SCNN1B: variants seen among roughly 807,000 people sequenced by gnomAD.
SCNN1B encodes sodium channel epithelial 1 subunit beta.
SCNN1B carries 46 observed loss-of-function variants against 65.3 expected under a neutral mutation model. The ratio of observed to expected loss-of-function variants is 0.70; its 90% CI spans 0.56 to 0.90. The LOEUF (loss-of-function observed/expected upper bound fraction) is 0.90. Among genes scored for constraint, SCNN1B ranks in the 40% least tolerant of loss-of-function variants. SCNN1B has a pLI of 0.00. For synonymous variants in SCNN1B, 349 were observed against 330.6 expected, an observed-to-expected ratio of 1.06 and a Z score of -0.60; for missense variants, 751 against 830.5, an observed-to-expected ratio of 0.90 and a Z score of 1.18.
chr16:23,369,410 C>T (rs1362843813), intron 5 of SCNN1B, among the ~76,000 whole-genome samples: 2 of 152,170 alleles, frequency 1.3e-5, no homozygotes, highest in African/African-American at 2.4e-5. Flanking sequence ...AAGACAGAGA[C>T]ACACAGAGAG....
intron 4 of SCNN1B, among the ~76,000 whole-genome samples, chr16:23,357,060 C>A (rs1268415696): frequency 6.6e-6 from 1 of 152,214 alleles, no homozygotes; most frequent in African/African-American, 2.4e-5. Context: ...TTCAGCCAGT[C>A]CTGTTTCTGA....
rs747856984 is a variant in SCNN1B at position 23,380,069 on chromosome 16, C to T, written c.1467-25C>T. On this transcript the variant is annotated intron_variant, in intron 11 of 12. Coordinates refer to ENST00000343070, the MANE Select transcript of SCNN1B (RefSeq NM_000336.3). This position sits in a 1 kb window ranked among gnomAD's most constrained non-coding sequence, Gnocchi z 5.4. Reference sequence around the variant, plus strand: ...GTTTGGAAGGGGGATACATTAGTCCCGGCCCTTCTCGCTGCCTCCTGCAGG... The same window carrying T: ...GTTTGGAAGGGGGATACATTAGTCCTGGCCCTTCTCGCTGCCTCCTGCAGG... The T allele has an allele frequency of 2.5e-5, 40 of 1,587,032 alleles. No individual in the cohort carries two copies. The highest frequency in any genetic ancestry group is 2.9e-5 in the Non-Finnish European group (34 of 1,155,566).
intron 7 of SCNN1B, 96 bp downstream of exon 7, chr16:23,371,979 T>C (rs1962795828): frequency 1.1e-6 from 1 of 933,074 alleles, no homozygotes; most frequent in Non-Finnish European, 1.8e-6. Context: ...CCAGCAAGTC[T>C]GGCTCTGCTG....
chr16:23,315,318 C>A (rs926401651), intron 1 of SCNN1B, among the ~76,000 whole-genome samples: 1 of 151,842 alleles, frequency 6.6e-6, no homozygotes, highest in Non-Finnish European at 1.5e-5. Flanking sequence ...GCCTGAGCAA[C>A]AAGAGCGAAA....
Position 23,380,153 on chromosome 16 carries a change from A to G in SCNN1B, c.1526A>G (p.Glu509Gly), listed in dbSNP as rs1406899995. ...GAATTTAACTATCGCACCATTGAAG[A>G]ATCAGCAGCCAATAACGTGAGTTTA... ...FQEFNYRTIE[E>G]SAANNIVWLL... Residue 509 changes from glutamate to glycine, a missense_variant, in exon 12 of 13, where the codon GAA becomes GGA. Glu to Gly is a moderately conservative substitution (Grantham distance 98). Transcript: ENST00000343070. This position sits in a 1 kb window ranked among gnomAD's most constrained non-coding sequence, Gnocchi z 5.4. The G allele has an allele frequency of 6.2e-7, 1 of 1,613,996 alleles. No homozygotes were observed. Among genetic ancestry groups the G allele is most frequent in the South Asian group, 1.1e-5 (1 of 91,082 alleles).
intron 1 of SCNN1B, among the ~76,000 whole-genome samples, chr16:23,279,589 C>T (rs950845097): frequency 6.6e-6 from 1 of 152,156 alleles, no homozygotes; most frequent in Non-Finnish European, 1.5e-5. Flanking sequence ...GGGAGTCCTC[C>T]GCATATAGCT....
intron 1 of SCNN1B, among the ~76,000 whole-genome samples, chr16:23,343,198 T>A (rs1314199732): frequency 2.6e-5 from 4 of 152,088 alleles, no homozygotes; most frequent in Non-Finnish European, 5.9e-5. Flanking sequence ...CTCATGCCTG[T>A]AATCCCAGCG....
At chr16:23,343,314 T>C (rs2142010826) in intron 1 of SCNN1B, among the ~76,000 whole-genome samples, 1 of 151,634 alleles carries the variant, frequency 6.6e-6, no homozygotes, top group East Asian at 1.9e-4. Context: ...TAGCCGGGCG[T>C]GGTGGTGCAT....
At chr16:23,362,811 C>A (rs1052344843) in intron 4 of SCNN1B, among the ~76,000 whole-genome samples, 1 of 152,206 alleles carries the variant, frequency 6.6e-6, no homozygotes, top group Non-Finnish European at 1.5e-5. Flanking sequence ...TGCCCTGGGG[C>A]GAGGTCTCTC....
In SCNN1B at chr16:23,343,602, A is replaced by AGAAAGAAG. The variant is rs1303014436; in HGVS notation, c.-8-4983_-8-4982insGGAAAGAA. 1.5e-4 allele frequency among the ~76,000 whole-genome samples: 17 copies of AGAAAGAAG among 115,354 alleles called. 1 individual carries two copies. In the East Asian group the frequency reaches 4.2e-3, roughly 29 times the overall value. The allele number at this position is 115,354 out of a possible 152,430, so 75.7% of individuals were successfully genotyped here. A position where few individuals can be genotyped will look rare whatever the true frequency, so the allele number is the denominator to read the frequency against. On this transcript the variant is annotated intron_variant, in intron 1 of 12. Coordinates refer to ENST00000343070, the MANE Select transcript of SCNN1B (RefSeq NM_000336.3). ...AAAAGAGAAAGAAAGAAAGAAAGAA[A>AGAAAGAAG]GAAAGAAAGAAAGAAAGAAAGAAAG...
chr16:23,358,268 A>T (rs1160793622), intron 4 of SCNN1B: 2 of 152,230 alleles, frequency 1.3e-5, no homozygotes, highest in African/African-American at 4.8e-5. Context: ...AAACAGGGAA[A>T]ATAGCTGGCT....
At chr16:23,353,284 G>C in intron 3 of SCNN1B, 1 of 610,014 alleles carries the variant, frequency 1.6e-6, no homozygotes, top group East Asian at 2.8e-5. Flanking sequence ...GCTCACACTA[G>C]CTTAAGCAAA....
chr16:23,320,025 G>T, intron 1 of SCNN1B, among the ~76,000 whole-genome samples: 1 of 152,142 alleles, frequency 6.6e-6, no homozygotes, highest in Admixed American at 6.5e-5. Context: ...CAGATTACAG[G>T]CGTGAGCCAC....
intron 1 of SCNN1B, chr16:23,278,345 G>C (rs1187638477): frequency 6.6e-6 from 1 of 152,152 alleles, no homozygotes; most frequent in African/African-American, 2.4e-5. Flanking sequence ...AGTGGGGTGA[G>C]TTTCACTTTG....
At chr16:23,354,845 G>T (rs1962384060) in intron 3 of SCNN1B, among the ~76,000 whole-genome samples, 1 of 152,164 alleles carries the variant, frequency 6.6e-6, no homozygotes. Context: ...CATCTTCTGT[G>T]CATGCCTCTG....
chr16:23,301,359 CA>C (rs369302758), upstream of SCNN1B, among the ~76,000 whole-genome samples: 10 of 120,372 alleles, frequency 8.3e-5, no homozygotes, highest in Admixed American at 8.5e-5. Context: ...GAGACTCTGT[CA>C]AAAAAAAAAG....
At chr16:23,335,124 G>T (rs1288028739) in intron 1 of SCNN1B, among the ~76,000 whole-genome samples, 1 of 152,178 alleles carries the variant, frequency 6.6e-6, no homozygotes, top group East Asian at 1.9e-4. Flanking sequence ...CCAGCACCTA[G>T]AACAGTGCAG....
At chr16:23,377,503 T>C in intron 10 of SCNN1B, 117 bp downstream of exon 10, 2 of 845,830 alleles carry the variant, frequency 2.4e-6, no homozygotes, top group Non-Finnish European at 3.9e-6. Context: ...CCCTCCTTCC[T>C]TCCTTCTCTG....
chr16:23,379,301 A>G (rs1962986269), intron 11 of SCNN1B, among the ~76,000 whole-genome samples: 1 of 151,732 alleles, frequency 6.6e-6, no homozygotes, highest in African/African-American at 2.4e-5. Flanking sequence ...CACAAGAAAG[A>G]CACACAGTCC....
Sources: gnomAD v4.1 joint callset for allele counts (sites outside exome capture counted in the v4.1 genomes callset) on GRCh38, gnomAD v4.1.1 for gene constraint, Gnocchi (gnomAD v3.1) non-coding constraint, MANE v1.5 for transcripts, NCBI Gene and HGNC (gene_info 2026-07-23, HGNC 2026-07-21) for gene names.